The following UBR7 variants were observed in gnomAD, a reference collection of about 807,000 sequenced individuals.
UBR7 encodes putative E3 ubiquitin-protein ligase UBR7.
UBR7 carries 22 observed loss-of-function variants against 57.0 expected under a neutral mutation model. The ratio of observed to expected loss-of-function variants is 0.39; its 90% CI spans 0.28 to 0.55. The LOEUF (loss-of-function observed/expected upper bound fraction) is 0.55. UBR7 is among the 20% of genes least tolerant of loss of function. The pLI, the probability that UBR7 is intolerant of heterozygous loss-of-function variation, is 0.69. For missense variants in UBR7, 395 were observed against 513.2 expected, an observed-to-expected ratio of 0.77 and a Z score of 2.23; for synonymous variants, 167 against 179.8, an observed-to-expected ratio of 0.93 and a Z score of 0.57.
At chr14:93,217,738 G>A (rs576399185) in intron 6 of UBR7, among the ~76,000 whole-genome samples, 1 of 152,162 alleles carries the variant, frequency 6.6e-6, no homozygotes, top group Non-Finnish European at 1.5e-5. Flanking sequence ...TTCTTTCTCA[G>A]TATTTCGGAG....
At position 93,220,350 on chromosome 14, in the gene UBR7, C is replaced by T. The variant is rs770950793; in HGVS notation, c.1062C>T (p.Ser354=). The part of the protein sequence containing the change: ...KGKIAQATDR[S]DPLMDTLSSM... ...AGATTGCCCAGGCCACTGACAGGAG[C>T]GATCCCCTAATGGATACCCTTAGCA... The change falls in exon 9 of 11, where the codon AGC becomes AGT. Residue 354 remains serine (S), a synonymous_variant. Coordinates refer to ENST00000013070, the MANE Select transcript of UBR7 (RefSeq NM_175748.4). 6.8e-6 allele frequency: 11 copies of T among 1,613,094 alleles called. No homozygotes were observed. The highest frequency in any genetic ancestry group is 2.2e-5 in the East Asian group (1 of 44,834).
chr14:93,217,178 C>A (rs936095814), intron 6 of UBR7, among the ~76,000 whole-genome samples: 1 of 152,040 alleles, frequency 6.6e-6, no homozygotes, highest in East Asian at 1.9e-4. Flanking sequence ...AGGCATGCAC[C>A]AGCATGCCTA....
At chr14:93,213,509 G>A (rs1411355424) in intron 4 of UBR7, among the ~76,000 whole-genome samples, 1 of 151,970 alleles carries the variant, frequency 6.6e-6, no homozygotes, top group Non-Finnish European at 1.5e-5. Context: ...GGGTTTCACC[G>A]TGTTAGCCAG....
chr14:93,224,174 G>T, intron 10 of UBR7: 1 of 583,992 alleles, frequency 1.7e-6, no homozygotes, highest in Admixed American at 3.0e-5. Flanking sequence ...ACCCGCAAAA[G>T]GTTAGGTCGT....
At chr14:93,217,170 G>A (rs1894608016) in intron 6 of UBR7, among the ~76,000 whole-genome samples, 1 of 152,066 alleles carries the variant, frequency 6.6e-6, no homozygotes, top group African/African-American at 2.4e-5. Flanking sequence ...GGGATTACAG[G>A]CATGCACCAG....
intron 10 of UBR7, among the ~76,000 whole-genome samples, chr14:93,224,372 C>CTTTTTT (rs761189322): frequency 1.6e-4 from 15 of 93,788 alleles, no homozygotes; most frequent in African/African-American, 2.0e-4. Flanking sequence ...CCTTACAGTT[C>CTTTTTT]TTTTTTTTTT....
chr14:93,224,223 G>T, intron 10 of UBR7: 1 of 505,726 alleles, frequency 2.0e-6, no homozygotes, highest in Non-Finnish European at 3.5e-6. Context: ...ACATTTAACT[G>T]CCTGAATTTC....
intron 4 of UBR7, 47 bp from the exon 5 acceptor site, chr14:93,214,882 G>A: frequency 1.3e-6 from 2 of 1,532,270 alleles, no homozygotes; most frequent in South Asian, 1.1e-5. Context: ...TTATTTCCAT[G>A]TTCCCGAATT....
chr14:93,210,020 C>T (rs1327783434), intron 2 of UBR7, 63 bp downstream of exon 2: 1 of 1,574,084 alleles, frequency 6.4e-7, no homozygotes, highest in Non-Finnish European at 8.7e-7. Flanking sequence ...CCCATCTACA[C>T]TTTTTCCTAA....
rs771968322 is a variant in UBR7 at position 93,227,078 on chromosome 14, C to G, written c.*43C>G. Reference sequence around the variant, plus strand: ...TCTCATTCAAGCCAATGAAAATGCGCTTCCCATTCTTGGAATAAAAGAGGT... The same window carrying G: ...TCTCATTCAAGCCAATGAAAATGCGGTTCCCATTCTTGGAATAAAAGAGGT... On this transcript the variant is annotated 3_prime_UTR_variant, in exon 11 of 11. Coordinates refer to ENST00000013070, the MANE Select transcript of UBR7 (RefSeq NM_175748.4). 7.0e-7 allele frequency: 1 copy of G among 1,433,620 alleles called. No individual in the cohort carries two copies. Among genetic ancestry groups the G allele is most frequent in the Admixed American group, 1.7e-5 (1 of 59,246 alleles). 88.8% of individuals were successfully genotyped at this position (1,433,620 alleles called of 1,614,324 possible). A position where few individuals can be genotyped will look rare whatever the true frequency, so the allele number is the denominator to read the frequency against.
intron 4 of UBR7, among the ~76,000 whole-genome samples, chr14:93,214,222 C>T (rs1595266341): frequency 6.6e-6 from 1 of 152,344 alleles, no homozygotes; most frequent in Non-Finnish European, 1.5e-5. Flanking sequence ...CCACCACGCC[C>T]AGCCAAAACT....
intron 1 of UBR7, 62 bp downstream of exon 1, chr14:93,207,503 G>A (rs771226378): frequency 2.0e-6 from 3 of 1,480,186 alleles, no homozygotes; most frequent in Non-Finnish European, 2.7e-6. Context: ...TTCCCGGCCC[G>A]GCTGTCCCTA....
chr14:93,223,708 C>A, intron 10 of UBR7: 1 of 947,148 alleles, frequency 1.1e-6, no homozygotes, highest in East Asian at 2.5e-5. Context: ...TGCTTGATGG[C>A]CGGCCGGCTG....
At chr14:93,216,039 A>G (rs1218160364) in intron 6 of UBR7, among the ~76,000 whole-genome samples, 1 of 152,174 alleles carries the variant, frequency 6.6e-6, no homozygotes, top group Non-Finnish European at 1.5e-5. Context: ...GTGCCCGCAG[A>G]GTCAGTGTTT....
chr14:93,227,857 C>T lies in UBR7; in HGVS notation c.*822C>T, dbSNP rs540736400. 33 of 700,844 alleles carry T rather than the reference C, an allele frequency of 4.7e-5. 1 individual carries two copies. The highest frequency in any genetic ancestry group is 2.1e-4 in the African/African-American group (12 of 57,306). The allele number at this position is 700,844 out of a possible 1,614,324, so 43.4% of individuals were successfully genotyped here. ...GCTGCCTAGAAAACAGACCGGGTCT[C>T]ACCCCTGTGAAATCTTGGTGGTTTA... On this transcript the variant is annotated 3_prime_UTR_variant, in exon 11 of 11. Transcript: ENST00000013070.
intron 4 of UBR7, among the ~76,000 whole-genome samples, chr14:93,212,465 G>C (rs538042939): frequency 6.6e-6 from 1 of 152,204 alleles, no homozygotes; most frequent in African/African-American, 2.4e-5. Context: ...GAAAAAAATG[G>C]GGTATACAAA....
chr14:93,226,907 T>C, intron 10 of UBR7, 36 bp from the exon 11 acceptor site: 1 of 1,487,466 alleles, frequency 6.7e-7, no homozygotes, highest in East Asian at 2.3e-5. Flanking sequence ...TTCTGTTACT[T>C]AGTTCTCTTT....
In UBR7 at chr14:93,227,010, A is replaced by G; in HGVS notation, c.1253A>G (p.Asp418Gly). The change falls in exon 11 of 11, where the codon GAT (aspartate) becomes GGT (glycine). Residue 418 changes from aspartate (D) to glycine (G), a missense_variant. Coordinates refer to ENST00000013070, the MANE Select transcript of UBR7 (RefSeq NM_175748.4). Reference sequence around the variant, plus strand: ...CAGTCAAAAAAGAGAAGAAGAGTGGATGGGATGCAGTATTACTGCAGCTAG... The same window carrying G: ...CAGTCAAAAAAGAGAAGAAGAGTGGGTGGGATGCAGTATTACTGCAGCTAG... The part of the protein sequence containing the change: ...EFQSKKRRRV[D>G]GMQYYCS 6.2e-7 allele frequency: 1 copy of G among 1,612,592 alleles called. No homozygotes were observed. Among genetic ancestry groups the G allele is most frequent in the Non-Finnish European group, 8.5e-7 (1 of 1,179,020 alleles).
At chr14:93,212,647 A>G (rs1180538023) in intron 4 of UBR7, among the ~76,000 whole-genome samples, 2 of 152,238 alleles carry the variant, frequency 1.3e-5, no homozygotes, top group South Asian at 2.1e-4. Context: ...GTGTGTTTCA[A>G]TGTGTAGTTT....
Sources: allele counts gnomAD v4.1 joint callset (sites outside exome capture counted in the v4.1 genomes callset), GRCh38; gene constraint gnomAD v4.1.1; transcripts MANE v1.5; gene names NCBI Gene and HGNC (gene_info 2026-07-23, HGNC 2026-07-21).